SFXN1: variants seen among roughly 807,000 people sequenced by gnomAD.
SFXN1 encodes sideroflexin 1.
In SFXN1, 32 loss-of-function variants were observed where a neutral mutation model predicts 39.5. That is an observed-to-expected ratio of 0.81 (90% CI 0.61 to 1.09). The LOEUF (loss-of-function observed/expected upper bound fraction) is 1.09. SFXN1 is among the 50% of genes least tolerant of loss of function. The pLI is 0.00. For synonymous variants in SFXN1, 136 were observed against 146.5 expected, an observed-to-expected ratio of 0.93 and a Z score of 0.52; for missense variants, 402 against 407.1, an observed-to-expected ratio of 0.99 and a Z score of 0.11.
In SFXN1 at chr5:175,512,108, C is replaced by A; in HGVS notation, c.511-3C>A. ...AAAGCTCTTGAAATTTTCTCCTCTG[C>A]AGCATGTCTCACCACTGATAGGACG... On this transcript the variant is annotated splice_polypyrimidine_tract_variant and splice_region_variant and intron_variant, in intron 5 of 10. Transcript: ENST00000321442. 1.2e-6 allele frequency: 2 copies of A among 1,613,670 alleles called. No homozygotes were observed. Among genetic ancestry groups the A allele is most frequent in the Non-Finnish European group, 1.7e-6 (2 of 1,179,768 alleles).
At chr5:175,520,732 C>T (rs1167566989) in intron 8 of SFXN1, among the ~76,000 whole-genome samples, 2 of 152,208 alleles carry the variant, frequency 1.3e-5, no homozygotes, top group Non-Finnish European at 2.9e-5. Context: ...TATGTTTACC[C>T]TCCCATCACC....
intron 5 of SFXN1, among the ~76,000 whole-genome samples, 154 bp from the exon 6 acceptor site, chr5:175,511,957 A>G (rs1415531067): frequency 6.6e-6 from 1 of 152,214 alleles, no homozygotes; most frequent in African/African-American, 2.4e-5. Flanking sequence ...AAATATACAA[A>G]TACTGCTAGG....
In SFXN1 at chr5:175,487,340, G is replaced by A. The variant is rs531220309; in HGVS notation, c.-9-4755G>A. On this transcript the variant is annotated intron_variant, in intron 1 of 10. Coordinates refer to ENST00000321442, the MANE Select transcript of SFXN1 (RefSeq NM_022754.7). ...CACTAGCAGCTTTGCAGGAATAAAC[G>A]GTTTCCCAAGGAGGGGAGGTTTAAC... Among the ~76,000 whole-genome samples, 93 of 152,288 alleles carry A rather than the reference G, an allele frequency of 6.1e-4. 1 individual carries two copies. The highest frequency in any genetic ancestry group is 1.0e-3 in the South Asian group (5 of 4,818).
chr5:175,482,561 G>A (rs1447344713), intron 1 of SFXN1, among the ~76,000 whole-genome samples: 3 of 152,288 alleles, frequency 2.0e-5, no homozygotes, highest in Non-Finnish European at 2.9e-5. Flanking sequence ...ATTTATGCAC[G>A]GGACTGTGGC....
chr5:175,480,746 C>T (rs1053963121), intron 1 of SFXN1, among the ~76,000 whole-genome samples: 1 of 147,852 alleles, frequency 6.8e-6, no homozygotes, highest in African/African-American at 2.7e-5. Context: ...TAAGAGCAGA[C>T]CCGTCATCAA....
chr5:175,519,895 G>A (rs1263516791), intron 8 of SFXN1, among the ~76,000 whole-genome samples: 3 of 116,020 alleles, frequency 2.6e-5, no homozygotes, highest in African/African-American at 7.1e-5. Flanking sequence ...TTTTGAGACC[G>A]AGTCTTGCTC....
At chr5:175,495,824 G>A (rs1759838964) in intron 2 of SFXN1, among the ~76,000 whole-genome samples, 2 of 151,522 alleles carry the variant, frequency 1.3e-5, no homozygotes, top group Admixed American at 6.6e-5. Context: ...AAATAGACAA[G>A]TGATGAATGT....
At position 175,512,163 on chromosome 5, in the gene SFXN1, C is replaced by T. The variant is rs1261809777; in HGVS notation, c.563C>T (p.Ala188Val). ...RFVPFAAVAA[A>V]NCINIPLMRQ... ...GTTCCCTTTGCTGCCGTAGCTGCTG[C>T]TAATTGCATTAATATTCCATTAATG... Residue 188 changes from alanine to valine, a missense_variant, in exon 6 of 11, where the codon GCT (alanine) becomes GTT (valine). Ala to Val is a moderately conservative substitution (Grantham distance 64). Transcript: ENST00000321442. The T allele has an allele frequency of 1.9e-6, 3 of 1,614,176 alleles. No individual in the cohort carries two copies. Among genetic ancestry groups the T allele is most frequent in the Non-Finnish European group, 2.5e-6 (3 of 1,180,034 alleles).
chr5:175,517,618 G>A (rs1760751433), intron 8 of SFXN1, among the ~76,000 whole-genome samples: 1 of 152,138 alleles, frequency 6.6e-6, no homozygotes, highest in African/African-American at 2.4e-5. Context: ...CACAGTTGCT[G>A]GTATATGTCG....
At chr5:175,492,050 G>A in intron 1 of SFXN1, 45 bp from the exon 2 acceptor site, 1 of 1,465,352 alleles carries the variant, frequency 6.8e-7, no homozygotes, top group Non-Finnish European at 9.2e-7. Context: ...AATACGTAGT[G>A]ACATTGTAAG....
intron 1 of SFXN1, among the ~76,000 whole-genome samples, chr5:175,480,410 A>T (rs898945368): frequency 1.3e-5 from 2 of 152,110 alleles, no homozygotes; most frequent in African/African-American, 2.4e-5. Flanking sequence ...TAAAAAAAAA[A>T]AAATACAGTG....
intron 1 of SFXN1, chr5:175,491,845 A>G (rs556386040): frequency 3.1e-6 from 1 of 327,748 alleles, no homozygotes; most frequent in Admixed American, 4.8e-5. Flanking sequence ...ACAAGTAAAT[A>G]TTAAAATACT....
At chr5:175,485,198 G>C (rs1022858696) in intron 1 of SFXN1, among the ~76,000 whole-genome samples, 2 of 152,318 alleles carry the variant, frequency 1.3e-5, no homozygotes, top group Non-Finnish European at 2.9e-5. Context: ...TGCCACTATA[G>C]TACAACTTGA....
chr5:175,489,184 A>G (rs534926369), intron 1 of SFXN1, among the ~76,000 whole-genome samples: 1 of 152,326 alleles, frequency 6.6e-6, no homozygotes, highest in Non-Finnish European at 1.5e-5. Flanking sequence ...CATTTAGACT[A>G]TGGTCTACTT....
chr5:175,487,124 G>A (rs193282935), intron 1 of SFXN1, among the ~76,000 whole-genome samples: 30 of 152,248 alleles, frequency 2.0e-4, no homozygotes, highest in Middle Eastern at 3.4e-3. Flanking sequence ...AATGGCTCAC[G>A]GCCTCATGTA....
chr5:175,494,390 G>A (rs1759779147), intron 2 of SFXN1, among the ~76,000 whole-genome samples: 1 of 152,210 alleles, frequency 6.6e-6, no homozygotes, highest in South Asian at 2.1e-4. Flanking sequence ...CAAGTTCTCA[G>A]GGGAGAGAGT....
intron 1 of SFXN1, among the ~76,000 whole-genome samples, chr5:175,489,156 A>C (rs1334587012): frequency 1.3e-5 from 2 of 152,122 alleles, no homozygotes; most frequent in Non-Finnish European, 2.9e-5. Context: ...TTTTCTCCTA[A>C]GTATTTAGTC....
intron 7 of SFXN1, among the ~76,000 whole-genome samples, chr5:175,514,316 G>C (rs1253885700): frequency 6.6e-6 from 1 of 152,072 alleles, no homozygotes; most frequent in East Asian, 1.9e-4. Context: ...CAACTGCTCA[G>C]GTTTCCCTAT....
chr5:175,479,314 C>T (rs1047971142), intron 1 of SFXN1, among the ~76,000 whole-genome samples: 4 of 152,178 alleles, frequency 2.6e-5, no homozygotes, highest in South Asian at 2.1e-4. Flanking sequence ...CTTTTACACT[C>T]TTCCGGCCCT....
Sources: allele counts gnomAD v4.1 joint callset (sites outside exome capture counted in the v4.1 genomes callset), GRCh38; gene constraint gnomAD v4.1.1; transcripts MANE v1.5; gene names NCBI Gene and HGNC (gene_info 2026-07-23, HGNC 2026-07-21).